GPC5: variants seen among roughly 807,000 people sequenced by gnomAD.
GPC5 encodes glypican-5.
In GPC5, 47 loss-of-function variants were observed where a neutral mutation model predicts 53.9. The observed-to-expected ratio is 0.87, with a 90% confidence interval of 0.69 to 1.11. The LOEUF (loss-of-function observed/expected upper bound fraction) is 1.11. Ranked by LOEUF, GPC5 falls within the 50% of genes most tolerant of loss-of-function variation. GPC5 has a pLI of 0.00. For missense variants in GPC5, 748 were observed against 713.1 expected, an observed-to-expected ratio of 1.05 and a Z score of -0.56; for synonymous variants, 286 against 263.3, an observed-to-expected ratio of 1.09 and a Z score of -0.84.
At chr13:92,387,620 G>A (rs1450256180) in intron 7 of GPC5, among the ~76,000 whole-genome samples, 4 of 152,040 alleles carry the variant, frequency 2.6e-5, no homozygotes, top group African/African-American at 9.7e-5. Flanking sequence ...AGTTACCTGT[G>A]TGTGGGAATA....
At chr13:92,734,705 T>A (rs1218794340) in intron 7 of GPC5, among the ~76,000 whole-genome samples, 2 of 151,848 alleles carry the variant, frequency 1.3e-5, no homozygotes, top group Non-Finnish European at 2.9e-5. Context: ...AAATGTAGTG[T>A]ACTTAATGTT....
chr13:91,860,444 T>C (rs1210502486), intron 5 of GPC5, among the ~76,000 whole-genome samples: 1 of 143,904 alleles, frequency 6.9e-6, no homozygotes, highest in Non-Finnish European at 1.5e-5. Context: ...TGTATATATA[T>C]ATATCTATCC....
At chr13:91,842,430 C>T (rs2038797661) in intron 5 of GPC5, among the ~76,000 whole-genome samples, 1 of 148,628 alleles carries the variant, frequency 6.7e-6, no homozygotes, top group Non-Finnish European at 1.5e-5. Context: ...TAGCCGGGCG[C>T]GGTGGCTCAC....
intron 2 of GPC5, among the ~76,000 whole-genome samples, chr13:91,588,558 A>T (rs2032682632): frequency 2.6e-5 from 4 of 152,240 alleles, no homozygotes. Flanking sequence ...TCACACAGAA[A>T]ATAAAATAGG....
chr13:91,627,653 T>A (rs895344098), intron 2 of GPC5, among the ~76,000 whole-genome samples: 2 of 151,970 alleles, frequency 1.3e-5, no homozygotes, highest in African/African-American at 4.8e-5. Context: ...ACTGGGGAGA[T>A]CTCTAATTGG....
At chr13:92,141,051 A>T (rs1342256693) in intron 6 of GPC5, among the ~76,000 whole-genome samples, 1 of 152,222 alleles carries the variant, frequency 6.6e-6, no homozygotes, top group Admixed American at 6.5e-5. Flanking sequence ...GTGAGGAGAA[A>T]GATAAGCAAA....
chr13:92,291,313 C>T (rs2042993707), intron 7 of GPC5, among the ~76,000 whole-genome samples: 1 of 152,170 alleles, frequency 6.6e-6, no homozygotes, highest in African/African-American at 2.4e-5. Context: ...GCTCCTGAGT[C>T]TGGAGGGGAC....
chr13:91,823,306 T>C (rs1391575015), intron 5 of GPC5, among the ~76,000 whole-genome samples: 2 of 152,130 alleles, frequency 1.3e-5, no homozygotes, highest in Non-Finnish European at 2.9e-5. Context: ...AGAGATTCCA[T>C]AGATTTAGAT....
At chr13:92,278,768 C>A (rs888365140) in intron 7 of GPC5, among the ~76,000 whole-genome samples, 10 of 151,932 alleles carry the variant, frequency 6.6e-5, no homozygotes, top group African/African-American at 1.9e-4. Flanking sequence ...TATCCCACCA[C>A]TATTTGTTAG....
At position 92,606,675 on chromosome 13, in the gene GPC5, G is replaced by T. The variant is rs964341380; in HGVS notation, c.1562-259607G>T. ...CAGTTCTTATTAACTATTAGGATCT[G>T]GTGTCCACATCCTACATATTTAATA... On this transcript the variant is annotated intron_variant, in intron 7 of 7. Transcript: ENST00000377067. Among the ~76,000 whole-genome samples, 31 of 152,172 alleles carry T rather than the reference G, an allele frequency of 2.0e-4. 1 individual carries two copies. The East Asian group carries it at 4.6e-3, about 23-fold the overall frequency.
chr13:92,733,245 T>C (rs1873518374), intron 7 of GPC5, among the ~76,000 whole-genome samples: 1 of 151,740 alleles, frequency 6.6e-6, no homozygotes, highest in African/African-American at 2.4e-5. Flanking sequence ...AGAGGAGCAA[T>C]TGAAACTCAA....
intron 6 of GPC5, among the ~76,000 whole-genome samples, chr13:92,065,146 T>C (rs558187613): frequency 6.6e-6 from 1 of 152,288 alleles, no homozygotes; most frequent in East Asian, 1.9e-4. Flanking sequence ...GTGGCTGGGA[T>C]CATTCACTTT....
chr13:92,499,288 C>T (rs1035726819), intron 7 of GPC5, among the ~76,000 whole-genome samples: 1 of 152,124 alleles, frequency 6.6e-6, no homozygotes, highest in African/African-American at 2.4e-5. Flanking sequence ...GATAGAATTT[C>T]TCCCAAATGT....
intron 7 of GPC5, among the ~76,000 whole-genome samples, chr13:92,806,281 C>G (rs1276618582): frequency 6.6e-6 from 1 of 152,092 alleles, no homozygotes. Context: ...TTTCATCCCT[C>G]ATAGAATTTA....
chr13:92,347,924 T>C (rs201035731), intron 7 of GPC5, among the ~76,000 whole-genome samples: 1 of 3,702 alleles, frequency 2.7e-4, no homozygotes, highest in Non-Finnish European at 4.4e-4. Context: ...TATATATATA[T>C]TATATATACA....
chr13:92,174,067 T>A lies in GPC5; in HGVS notation c.1561+29078T>A, dbSNP rs140423600. Among the ~76,000 whole-genome samples the A allele has an allele frequency of 1.2e-4, 19 of 152,186 alleles. 1 individual carries two copies. In the East Asian group the frequency reaches 3.3e-3, roughly 26 times the overall value. ...TTTCAGTGAGCCAAGGTGAAACCAC[T>A]GCACTCTAGCCTGGGTGACTGAGTG... is the stretch of plus-strand genomic sequence containing the variant. On this transcript the variant is annotated intron_variant, in intron 7 of 7. Coordinates refer to ENST00000377067, the MANE Select transcript of GPC5 (RefSeq NM_004466.6).
chr13:92,332,248 G>T (rs1195709925), intron 7 of GPC5, among the ~76,000 whole-genome samples: 3 of 152,128 alleles, frequency 2.0e-5, no homozygotes, highest in Admixed American at 6.6e-5. Flanking sequence ...AATTTTGCTT[G>T]TGCCTTCTGC....
intron 7 of GPC5, among the ~76,000 whole-genome samples, chr13:92,709,124 T>A (rs1026710944): frequency 6.6e-6 from 1 of 151,736 alleles, no homozygotes; most frequent in South Asian, 2.1e-4. Context: ...CTCAGCTCAC[T>A]GCAACCTCCG....
chr13:91,456,439 C>T (rs1278975982), intron 2 of GPC5, among the ~76,000 whole-genome samples: 1 of 151,520 alleles, frequency 6.6e-6, no homozygotes, highest in Non-Finnish European at 1.5e-5. Context: ...ACCAATTTAT[C>T]TTAGGAATGT....
Sources: allele counts gnomAD v4.1 joint callset (sites outside exome capture counted in the v4.1 genomes callset), GRCh38; gene constraint gnomAD v4.1.1; transcripts MANE v1.5; gene names NCBI Gene and HGNC (gene_info 2026-07-23, HGNC 2026-07-21).